Variants in MAD1L1 observed in about 807,000 individuals in gnomAD.
MAD1L1 encodes the protein mitotic arrest deficient 1 like 1.
In MAD1L1, 95 loss-of-function variants were observed where a neutral mutation model predicts 96.9. That is an observed-to-expected ratio of 0.98 (90% CI 0.83 to 1.16). The LOEUF (loss-of-function observed/expected upper bound fraction) is 1.16. Among genes scored for constraint, MAD1L1 ranks in the 50% most tolerant of loss-of-function variants. The pLI, the probability that MAD1L1 is intolerant of heterozygous loss-of-function variation, is 0.00. For missense variants in MAD1L1, 1,007 were observed against 954.4 expected, an observed-to-expected ratio of 1.06 and a Z score of -0.73; for synonymous variants, 473 against 396.6, an observed-to-expected ratio of 1.19 and a Z score of -2.29.
rs1045404960 is a variant in MAD1L1, at chr7:1,968,156, T to C, written c.1506-10437A>G. 2.0e-5 allele frequency among the ~76,000 whole-genome samples: 3 copies of C among 152,320 alleles called. No individual in the cohort carries two copies. The highest frequency in any genetic ancestry group is 7.2e-5 in the African/African-American group (3 of 41,576). ...CTTCCAAGGAAGAGACTGGAGAAAG[T>C]GCAAACAGCTTCGCGGACGAGGCAC... is the stretch of plus-strand genomic sequence containing the variant. On this transcript the variant is annotated intron_variant, in intron 15 of 18. Coordinates refer to ENST00000265854, the MANE Select transcript of MAD1L1 (RefSeq NM_001013836.2). This position sits in a 1 kb window ranked among gnomAD's most constrained non-coding sequence, Gnocchi z 5.6.
intron 10 of MAD1L1, among the ~76,000 whole-genome samples, chr7:2,174,150 A>C (rs1261439531): frequency 1.3e-5 from 2 of 152,124 alleles, no homozygotes; most frequent in African/African-American, 4.8e-5. Context: ...AGACTTTGCA[A>C]ATCTCCATTG....
chr7:2,026,623 A>T (rs928559457), intron 12 of MAD1L1, among the ~76,000 whole-genome samples: 7 of 152,218 alleles, frequency 4.6e-5, no homozygotes, highest in Non-Finnish European at 8.8e-5. Context: ...AGATAATGCT[A>T]GAAATCAATA....
At chr7:1,909,675 G>A (rs1371871413) in intron 17 of MAD1L1, among the ~76,000 whole-genome samples, 4 of 152,178 alleles carry the variant, frequency 2.6e-5, no homozygotes. Context: ...ACCAGCCCGA[G>A]GGGCTGGCAG....
At chr7:2,147,650 C>T (rs1347644630) in intron 11 of MAD1L1, among the ~76,000 whole-genome samples, 2 of 152,234 alleles carry the variant, frequency 1.3e-5, no homozygotes, top group Non-Finnish European at 2.9e-5. Context: ...GGTGCCCCAG[C>T]TCTCAGAGGG....
chr7:1,955,806 G>A (rs915047749), intron 16 of MAD1L1, among the ~76,000 whole-genome samples: 1 of 152,148 alleles, frequency 6.6e-6, no homozygotes, highest in Non-Finnish European at 1.5e-5. Context: ...GTTGCATTTT[G>A]TTGCAGCCCA....
chr7:1,987,792 A>G (rs1436887557), intron 14 of MAD1L1, among the ~76,000 whole-genome samples: 2 of 152,224 alleles, frequency 1.3e-5, no homozygotes, highest in African/African-American at 2.4e-5. Context: ...GGCAGGGCAC[A>G]GGCCCGGGGC....
At chr7:1,942,364 C>G (rs1450543935) in intron 16 of MAD1L1, among the ~76,000 whole-genome samples, 1 of 152,228 alleles carries the variant, frequency 6.6e-6, no homozygotes, top group African/African-American at 2.4e-5. Context: ...GGGGCGACAG[C>G]CAAACTTCCA....
intron 15 of MAD1L1, among the ~76,000 whole-genome samples, chr7:1,964,904 T>A (rs1780097009): frequency 6.6e-6 from 1 of 152,118 alleles, no homozygotes; most frequent in Non-Finnish European, 1.5e-5. Context: ...GAGGGGACAG[T>A]AGGGAGACCC....
intron 11 of MAD1L1, among the ~76,000 whole-genome samples, chr7:2,102,274 TCAC>T (rs1211663482): frequency 3.1e-4 from 38 of 124,586 alleles, no homozygotes; most frequent in African/African-American, 9.3e-4. Context: ...ACCATCACTA[TCAC>T]CACCACCACC....
intron 13 of MAD1L1, among the ~76,000 whole-genome samples, chr7:2,011,141 C>A (rs1309097268): frequency 1.3e-5 from 2 of 152,052 alleles, no homozygotes; most frequent in African/African-American, 4.8e-5. Context: ...CCCCCACCCC[C>A]CGACCGTGAG....
intron 12 of MAD1L1, among the ~76,000 whole-genome samples, chr7:2,023,896 C>G (rs1368667463): frequency 6.6e-6 from 1 of 151,980 alleles, no homozygotes; most frequent in Non-Finnish European, 1.5e-5. Flanking sequence ...TTGCAGTGAG[C>G]CGAGATCACG....
At chr7:1,970,548 G>A (rs1780359665) in intron 15 of MAD1L1, among the ~76,000 whole-genome samples, 1 of 152,008 alleles carries the variant, frequency 6.6e-6, no homozygotes, top group East Asian at 1.9e-4. Flanking sequence ...TGGCCAGGCT[G>A]GTCTCAATCT....
chr7:2,074,929 G>A (rs1450949017), intron 11 of MAD1L1, among the ~76,000 whole-genome samples: 2 of 152,304 alleles, frequency 1.3e-5, no homozygotes, highest in South Asian at 2.1e-4. Flanking sequence ...GGCAGCTGGC[G>A]TGCTCATTCG....
chr7:2,161,450 C>T (rs1394559324), intron 10 of MAD1L1, among the ~76,000 whole-genome samples: 2 of 152,034 alleles, frequency 1.3e-5, no homozygotes, highest in African/African-American at 2.4e-5. Context: ...GATCTCGGCT[C>T]GCTACAACCT....
chr7:1,842,556 G>A (rs762960448), intron 18 of MAD1L1, among the ~76,000 whole-genome samples: 3 of 152,278 alleles, frequency 2.0e-5, no homozygotes, highest in Non-Finnish European at 4.4e-5. Context: ...CCCCAGGCCT[G>A]TCCCAGGCGA....
At chr7:2,069,656 C>T (rs1456769069) in intron 11 of MAD1L1, among the ~76,000 whole-genome samples, 2 of 152,220 alleles carry the variant, frequency 1.3e-5, no homozygotes, top group African/African-American at 2.4e-5. Context: ...GATTGCAGAG[C>T]CAGCGCTTCC....
At chr7:1,821,012 C>T (rs548494381) in intron 18 of MAD1L1, among the ~76,000 whole-genome samples, 5 of 134,914 alleles carry the variant, frequency 3.7e-5, no homozygotes, top group African/African-American at 1.1e-4. Context: ...ACCCAGGAGG[C>T]GGAGCTTGCA....
In MAD1L1 at chr7:2,114,682, AC is replaced by A. The variant is rs1357813419; in HGVS notation, c.1073+34469del. Among the ~76,000 whole-genome samples the A allele has an allele frequency of 2.6e-5, 4 of 152,238 alleles. No homozygotes were observed. Among genetic ancestry groups the A allele is most frequent in the Admixed American group, 2.0e-4 (3 of 15,284 alleles). ...TTTGTAAACAACTTTTGTTTTTTTA[AC>A]AAAGTTTTGATGGAGCACAGCCACC... On this transcript the variant is annotated intron_variant, in intron 11 of 18. Coordinates refer to ENST00000265854, the MANE Select transcript of MAD1L1 (RefSeq NM_001013836.2). The surrounding 1 kb of genome is among the most constrained non-coding windows in gnomAD (Gnocchi z 4.2).
rs10256644 is a variant in MAD1L1 at position 1,968,217 on chromosome 7, A to G, written c.1506-10498T>C. Among the ~76,000 whole-genome samples, 130,427 of 151,722 alleles carry G rather than the reference A, an allele frequency of 0.86. 57,365 individuals carry two copies. The highest frequency in any genetic ancestry group is 0.96 in the Non-Finnish European group (64,762 of 67,792). On this transcript the variant is annotated intron_variant, in intron 15 of 18. Transcript: ENST00000265854. This position sits in a 1 kb window ranked among gnomAD's most constrained non-coding sequence, Gnocchi z 5.6. Reference sequence around the variant, plus strand: ...ACGCCTCAATCCGGCGGTCAGGTCCACCGTCGACGCCTCAGTCCGGCGGTC... The same window carrying G: ...ACGCCTCAATCCGGCGGTCAGGTCCGCCGTCGACGCCTCAGTCCGGCGGTC...
Sources: gnomAD v4.1 joint callset for allele counts (sites outside exome capture counted in the v4.1 genomes callset) on GRCh38, gnomAD v4.1.1 for gene constraint, Gnocchi (gnomAD v3.1) non-coding constraint, MANE v1.5 for transcripts, NCBI Gene and HGNC (gene_info 2026-07-23, HGNC 2026-07-21) for gene names.